EHMT1: variants seen among roughly 807,000 people sequenced by gnomAD.
EHMT1 encodes the protein histone-lysine N-methyltransferase EHMT1.
EHMT1 carries 15 observed loss-of-function variants against 147.2 expected under a neutral mutation model. The ratio of observed to expected loss-of-function variants is 0.10; its 90% CI spans 0.07 to 0.16. The LOEUF is 0.16. Ranked by LOEUF, EHMT1 falls within the 10% of genes least tolerant of loss-of-function variation. EHMT1 has a pLI of 1.00. For synonymous variants in EHMT1, 795 were observed against 709.6 expected (o/e 1.12, Z -1.91); for missense variants, 1,587 against 1,772.4 (o/e 0.90, Z 1.88).
intron 1 of EHMT1, among the ~76,000 whole-genome samples, chr9:137,626,544 A>G (rs969939745): frequency 3.3e-5 from 5 of 151,870 alleles, no homozygotes; most frequent in Non-Finnish European, 7.4e-5. Flanking sequence ...AAAAAAAAAA[A>G]AAAGTTGTTT....
Position 137,828,141 on chromosome 9 carries a change from T to C in EHMT1, c.3541-6208T>C, listed in dbSNP as rs183050188. On this transcript the variant is annotated intron_variant, in intron 25 of 26. Transcript: ENST00000460843. This position sits in a 1 kb window ranked among gnomAD's most constrained non-coding sequence, Gnocchi z 5.3. ...CCATGGGGGCGGCCCCTTTGTCTCT[T>C]GGGGCTACAGCCTGTGCTGTGACCA... Among the ~76,000 whole-genome samples the C allele has an allele frequency of 6.6e-6, 1 of 152,210 alleles. No homozygotes were observed. The highest frequency in any genetic ancestry group is 1.9e-4 in the East Asian group (1 of 5,158).
intron 1 of EHMT1, among the ~76,000 whole-genome samples, chr9:137,651,258 G>C (rs1937779303): frequency 6.6e-6 from 1 of 152,092 alleles, no homozygotes; most frequent in African/African-American, 2.4e-5. Flanking sequence ...TTTTAATTTT[G>C]ATAAAGTCTA....
intron 1 of EHMT1, among the ~76,000 whole-genome samples, chr9:137,645,569 T>G (rs1445984234): frequency 6.6e-6 from 1 of 152,120 alleles, no homozygotes; most frequent in Non-Finnish European, 1.5e-5. Context: ...ATAAACAGGG[T>G]GTGATAGAAG....
chr9:137,703,754 C>T lies in EHMT1; in HGVS notation c.22-7213C>T, dbSNP rs1303537233. On this transcript the variant is annotated intron_variant, in intron 1 of 26. Coordinates refer to ENST00000460843, the MANE Select transcript of EHMT1 (RefSeq NM_024757.5). ...GTTCATCTTCCTTTCTTCTTCCTAG[C>T]CCTTTAACCTGTTCAAACTTCGGCC... Among the ~76,000 whole-genome samples the T allele has an allele frequency of 6.6e-5, 10 of 152,124 alleles. No individual in the cohort carries two copies. In the East Asian group the frequency reaches 1.9e-3, roughly 29 times the overall value.
intron 1 of EHMT1, among the ~76,000 whole-genome samples, chr9:137,642,571 G>A (rs1844571511): frequency 6.6e-6 from 1 of 152,074 alleles, no homozygotes; most frequent in Non-Finnish European, 1.5e-5. Context: ...TGGTTGTCCT[G>A]GGGATTACAA....
intron 10 of EHMT1, chr9:137,764,355 C>A (rs1245763660): frequency 6.6e-6 from 1 of 152,282 alleles, no homozygotes; most frequent in Non-Finnish European, 1.5e-5. Flanking sequence ...TCTGAGTGTT[C>A]ATGTCACTCG....
intron 9 of EHMT1, among the ~76,000 whole-genome samples, chr9:137,759,332 A>G (rs1235021907): frequency 6.6e-6 from 1 of 152,142 alleles, no homozygotes; most frequent in Non-Finnish European, 1.5e-5. Flanking sequence ...TTGCTTTTAG[A>G]TTTGGAGGTC....
In EHMT1 at chr9:137,810,140, T is replaced by C. The variant is rs55963198; in HGVS notation, c.2713-1321T>C. 2.6e-3 allele frequency among the ~76,000 whole-genome samples: 130 copies of C among 49,440 alleles called. 8 individuals carry two copies. The African/African-American group carries it at 0.026, about 10-fold the overall frequency. 32.4% of individuals were successfully genotyped at this position (49,440 alleles called of 152,430 possible). A position where few individuals can be genotyped will look rare whatever the true frequency, so the allele number is the denominator to read the frequency against. The stretch of plus-strand genomic sequence containing the variant: ...ATGGGTCCGGAGGCGGTTCCGATGC[T>C]GCCCCTCGTGGACTGTGGGTGATGG... On this transcript the variant is annotated intron_variant, in intron 18 of 26. Transcript: ENST00000460843.
intron 25 of EHMT1, chr9:137,834,048 C>T: frequency 2.0e-6 from 1 of 488,710 alleles, no homozygotes; most frequent in East Asian, 3.8e-5. Flanking sequence ...GCGCTGTCCA[C>T]ATTCCACCGC....
chr9:137,815,895 A>T, intron 22 of EHMT1, 52 bp from the exon 23 acceptor site: 1 of 1,442,348 alleles, frequency 6.9e-7, no homozygotes. Flanking sequence ...ATGTCAGTTC[A>T]ATTAAAGAGT....
At chr9:137,717,363 G>T in intron 3 of EHMT1, 181 bp downstream of exon 3, 3 of 812,508 alleles carry the variant, frequency 3.7e-6, no homozygotes, top group Non-Finnish European at 6.0e-6. Flanking sequence ...AGCACTTTGG[G>T]AGGCTGAGGC....
At chr9:137,821,200 T>G (rs1213112058) in intron 25 of EHMT1, among the ~76,000 whole-genome samples, 2 of 151,948 alleles carry the variant, frequency 1.3e-5, no homozygotes, top group African/African-American at 4.8e-5. Flanking sequence ...TTTGTAGTTT[T>G]AGTAGAGGTG....
Position 137,760,924 on chromosome 9 carries a change from C to T in EHMT1, c.1502-1751C>T, listed in dbSNP as rs144597704. Among the ~76,000 whole-genome samples the T allele has an allele frequency of 1.1e-4, 16 of 152,346 alleles. No homozygotes were observed. In the East Asian group the frequency reaches 3.1e-3, roughly 29 times the overall value. ...TTGGGAGGCTGAGGCGGGAGAATGG[C>T]TTGAACCTGGGGGCAGAGCTTGCAG... On this transcript the variant is annotated intron_variant, in intron 9 of 26. Transcript: ENST00000460843.
chr9:137,810,426 C>G (rs1954372946), intron 18 of EHMT1, among the ~76,000 whole-genome samples: 1 of 152,242 alleles, frequency 6.6e-6, no homozygotes, highest in Non-Finnish European at 1.5e-5. Flanking sequence ...CCGTTTATCG[C>G]TGTTTTATCC....
At chr9:137,676,831 G>T (rs535253349) in intron 1 of EHMT1, among the ~76,000 whole-genome samples, 24 of 152,232 alleles carry the variant, frequency 1.6e-4, no homozygotes, top group African/African-American at 5.8e-4. Flanking sequence ...GAGGGCCTGG[G>T]ATTCCATCTG....
chr9:137,777,418 C>T, intron 12 of EHMT1: 1 of 193,670 alleles, frequency 5.2e-6, no homozygotes, highest in East Asian at 1.4e-4. Context: ...CAAAAGAGAC[C>T]CTTTCAAAAC....
At chr9:137,823,995 A>C (rs1395699792) in intron 25 of EHMT1, among the ~76,000 whole-genome samples, 4 of 152,218 alleles carry the variant, frequency 2.6e-5, no homozygotes, top group African/African-American at 7.2e-5. Context: ...TCACTTTCTT[A>C]ACAGTGTCTT....
intron 15 of EHMT1, chr9:137,789,210 C>A (rs1308067920): frequency 1.3e-5 from 2 of 152,464 alleles, no homozygotes; most frequent in African/African-American, 4.8e-5. Context: ...GGAAGGACAC[C>A]CATCGTCCCC....
At chr9:137,808,326 C>G (rs576453814) in intron 18 of EHMT1, among the ~76,000 whole-genome samples, 3 of 152,202 alleles carry the variant, frequency 2.0e-5, no homozygotes, top group Non-Finnish European at 4.4e-5. Context: ...CTGCCTACCC[C>G]CTGCGCCATG....
Sources: allele counts gnomAD v4.1 joint callset (sites outside exome capture counted in the v4.1 genomes callset), GRCh38; gene constraint gnomAD v4.1.1; non-coding constraint Gnocchi (gnomAD v3.1); transcripts MANE v1.5; gene names NCBI Gene and HGNC (gene_info 2026-07-23, HGNC 2026-07-21).